Variants in KANK1 observed in about 807,000 individuals in gnomAD.
KANK1 encodes KN motif and ankyrin repeat domains 1, also known as KN motif and ankyrin repeat domain-containing protein 1.
A neutral mutation model predicts 106.2 loss-of-function variants in KANK1; 109 were observed. The observed-to-expected ratio is 1.03, with a 90% CI of 0.88 to 1.20. The LOEUF is 1.20. Among genes scored for constraint, KANK1 ranks in the 50% most tolerant of loss-of-function variants. KANK1 has a pLI of 0.00. For missense variants in KANK1, 2,399 were observed against 1,710.7 expected (o/e 1.40, Z -7.10); for synonymous variants, 873 against 652.2 (o/e 1.34, Z -5.16).
chr9:639,976 T>C (rs1286371380), intron 1 of KANK1, among the ~76,000 whole-genome samples: 1 of 152,124 alleles, frequency 6.6e-6, no homozygotes, highest in Non-Finnish European at 1.5e-5. Context: ...AGAGGACCCA[T>C]CCTTAATGCC....
At chr9:678,236 G>T (rs577207206) in intron 2 of KANK1, among the ~76,000 whole-genome samples, 1 of 152,112 alleles carries the variant, frequency 6.6e-6, no homozygotes, top group African/African-American at 2.4e-5. Context: ...CTGTGGGACT[G>T]CTATCAATAA....
chr9:744,865 G>A (rs1836784180), intron 11 of KANK1: 3 of 1,411,042 alleles, frequency 2.1e-6, no homozygotes, highest in Non-Finnish European at 1.8e-6. Flanking sequence ...CCAGATAGCA[G>A]CCCCTGAGCC....
At position 710,629 on chromosome 9, in the gene KANK1, A is replaced by AT. The variant is rs1491464346; in HGVS notation, c.38-175_38-174insT. 2.8e-5 allele frequency among the ~76,000 whole-genome samples: 3 copies of AT among 105,264 alleles called. No individual in the cohort carries two copies. The East Asian group carries it at 6.9e-4, about 24-fold the overall frequency. The allele number at this position is 105,264 out of a possible 152,430, so 69.1% of individuals were successfully genotyped here. A position where few individuals can be genotyped will look rare whatever the true frequency, so the allele number is the denominator to read the frequency against. The stretch of plus-strand genomic sequence containing the variant: ...ATGACCTGTCTCAAAAAAAAAAAAA[A>AT]CAAAAAAAAACAAAAAAAACTTGCT... On this transcript the variant is annotated intron_variant, in intron 2 of 11. Coordinates refer to ENST00000382297, the MANE Select transcript of KANK1 (RefSeq NM_015158.5).
In KANK1 at chr9:590,678, T is replaced by C. The variant is rs1030894620; in HGVS notation, c.-84+85924T>C. On this transcript the variant is annotated intron_variant, in intron 1 of 11. Coordinates refer to ENST00000382297, the MANE Select transcript of KANK1 (RefSeq NM_015158.5). ...GGTGTGTATGCCTAAATAAGATTCT[T>C]AAATACAGAAATGCACCCTGCTTTT... 3.3e-5 allele frequency among the ~76,000 whole-genome samples: 5 copies of C among 149,356 alleles called. No homozygotes were observed. The South Asian group carries it at 1.0e-3, about 31-fold the overall frequency.
chr9:732,109 G>C (rs1832456029), intron 5 of KANK1: 2 of 302,450 alleles, frequency 6.6e-6, no homozygotes, highest in Non-Finnish European at 1.3e-5. Flanking sequence ...GTTTTCTCAT[G>C]ATTTATGCTA....
At chr9:578,788 A>G (rs1587980101) in intron 1 of KANK1, among the ~76,000 whole-genome samples, 2 of 152,148 alleles carry the variant, frequency 1.3e-5, no homozygotes, top group Non-Finnish European at 2.9e-5. Flanking sequence ...CTGTCAGAAA[A>G]CTAATATTAC....
chr9:641,940 C>G (rs995417124), intron 1 of KANK1, among the ~76,000 whole-genome samples: 1 of 152,056 alleles, frequency 6.6e-6, no homozygotes, highest in Non-Finnish European at 1.5e-5. Flanking sequence ...TTTCATCACC[C>G]CAAAAAAGAA....
chr9:657,025 A>C (rs1014675640), intron 1 of KANK1, among the ~76,000 whole-genome samples: 2 of 151,388 alleles, frequency 1.3e-5, no homozygotes, highest in South Asian at 4.1e-4. Context: ...TGCTGTGCTC[A>C]TCAAACAACT....
At chr9:514,645 A>G (rs1043834178) in intron 1 of KANK1, among the ~76,000 whole-genome samples, 5 of 151,630 alleles carry the variant, frequency 3.3e-5, no homozygotes, top group Non-Finnish European at 1.5e-5. Context: ...GTTCATGCTC[A>G]TTGCTGTATA....
At chr9:715,972 C>T (rs538854081) in intron 3 of KANK1, among the ~76,000 whole-genome samples, 2 of 152,280 alleles carry the variant, frequency 1.3e-5, no homozygotes, top group African/African-American at 4.8e-5. Flanking sequence ...TTCCTGTGCA[C>T]ACCATACCAT....
chr9:534,163 A>G (rs1487491635), intron 1 of KANK1, among the ~76,000 whole-genome samples: 3 of 152,202 alleles, frequency 2.0e-5, no homozygotes, highest in Admixed American at 6.5e-5. Context: ...AGAGTAATAA[A>G]TAGTTTGTGG....
intron 1 of KANK1, among the ~76,000 whole-genome samples, chr9:652,374 T>G (rs1346276608): frequency 6.6e-6 from 1 of 152,006 alleles, no homozygotes; most frequent in Non-Finnish European, 1.5e-5. Context: ...TACAAAAAAA[T>G]TAGCCAGACA....
chr9:652,559 A>C (rs1322114579), intron 1 of KANK1, among the ~76,000 whole-genome samples: 1 of 152,206 alleles, frequency 6.6e-6, no homozygotes, highest in Non-Finnish European at 1.5e-5. Flanking sequence ...GTGAAGAAAC[A>C]ATCTAAATAT....
At chr9:677,063 AT>A in intron 2 of KANK1, 54 bp downstream of exon 2, 5 of 1,500,718 alleles carry the variant, frequency 3.3e-6, no homozygotes, top group Non-Finnish European at 3.7e-6. Flanking sequence ...TCTCAAACTA[AT>A]TTTTTATTCT....
chr9:602,284 G>T (rs771897229), intron 1 of KANK1, among the ~76,000 whole-genome samples: 1 of 150,986 alleles, frequency 6.6e-6, no homozygotes, highest in African/African-American at 2.5e-5. Flanking sequence ...TTTTTGAGAC[G>T]GAGTCTCGCT....
chr9:499,177 CAAA>C (rs199624864), intron 3 of KANK1, among the ~76,000 whole-genome samples: 2 of 117,976 alleles, frequency 1.7e-5, no homozygotes, highest in Non-Finnish European at 3.6e-5. Flanking sequence ...GACTCTGTCT[CAAA>C]AAAAAAAAAA....
chr9:630,804 G>A (rs1430354173), intron 1 of KANK1, among the ~76,000 whole-genome samples: 1 of 152,000 alleles, frequency 6.6e-6, no homozygotes, highest in African/African-American at 2.4e-5. Flanking sequence ...TTGGGAGGCT[G>A]AGGCACGAGA....
At chr9:559,166 CCTT>C (rs1308048416) in intron 1 of KANK1, among the ~76,000 whole-genome samples, 1 of 151,968 alleles carries the variant, frequency 6.6e-6, no homozygotes, top group African/African-American at 2.4e-5. Context: ...AGATTTGTCA[CCTT>C]CTTGTGAGTT....
intron 1 of KANK1, among the ~76,000 whole-genome samples, chr9:643,949 C>T (rs565548847): frequency 2.6e-5 from 4 of 150,994 alleles, no homozygotes; most frequent in Non-Finnish European, 4.4e-5. Flanking sequence ...TTGAGGCACC[C>T]GCCTTGGCCT....
Sources: allele counts gnomAD v4.1 joint callset (sites outside exome capture counted in the v4.1 genomes callset), GRCh38; gene constraint gnomAD v4.1.1; transcripts MANE v1.5; gene names NCBI Gene and HGNC (gene_info 2026-07-23, HGNC 2026-07-21).